The following DIS3L2 variants were observed in gnomAD, a reference collection of about 807,000 sequenced individuals.
The protein encoded by DIS3L2 is DIS3 like 3'-5' exoribonuclease 2.
Under a neutral mutation model 97.5 loss-of-function variants are expected in DIS3L2, and 34 were observed. The observed-to-expected ratio is 0.35, with a 90% CI of 0.27 to 0.46. The LOEUF is 0.46. Among genes scored for constraint, DIS3L2 ranks in the 20% least tolerant of loss-of-function variants. DIS3L2 has a pLI of 1.00. For synonymous variants in DIS3L2, 435 were observed against 445.2 expected (o/e 0.98, Z 0.29); for missense variants, 1,038 against 1,146.0 (o/e 0.91, Z 1.36).
At chr2:232,106,281 A>G (rs1450443278) in intron 6 of DIS3L2, among the ~76,000 whole-genome samples, 4 of 152,182 alleles carry the variant, frequency 2.6e-5, no homozygotes, top group Admixed American at 2.6e-4. Context: ...TCTACCCCTA[A>G]TGGCTCTTAG....
chr2:232,249,356 T>C lies in DIS3L2; in HGVS notation c.1425+10T>C, dbSNP rs1272928711. ...GACTCCAGAGGGCAAGGTAACAACT[T>C]ACACGTTTTCTTTCTCCACTTACCT... On this transcript the variant is annotated intron_variant, in intron 12 of 20. Transcript: ENST00000325385. The C allele has an allele frequency of 6.2e-7, 1 of 1,613,416 alleles. No individual in the cohort carries two copies. Among genetic ancestry groups the C allele is most frequent in the Admixed American group, 1.7e-5 (1 of 59,980 alleles).
intron 10 of DIS3L2, among the ~76,000 whole-genome samples, chr2:232,235,270 A>G (rs1692902750): frequency 6.6e-6 from 1 of 152,246 alleles, no homozygotes; most frequent in Admixed American, 6.5e-5. Flanking sequence ...GAAAGCCAGT[A>G]TCTTTTAAAA....
chr2:232,025,547 C>A (rs1694633147), intron 4 of DIS3L2, among the ~76,000 whole-genome samples: 1 of 152,132 alleles, frequency 6.6e-6, no homozygotes, highest in Non-Finnish European at 1.5e-5. Flanking sequence ...CAGTCATATT[C>A]TGTTCCTGTT....
chr2:232,127,718 C>A (rs1322382413), intron 6 of DIS3L2, among the ~76,000 whole-genome samples: 1 of 152,188 alleles, frequency 6.6e-6, no homozygotes, highest in Non-Finnish European at 1.5e-5. Flanking sequence ...TTCTTGCTCA[C>A]TGTGCTCCAG....
intron 8 of DIS3L2, among the ~76,000 whole-genome samples, chr2:232,161,092 A>G (rs1690636120): frequency 6.6e-6 from 1 of 151,870 alleles, no homozygotes; most frequent in African/African-American, 2.4e-5. Flanking sequence ...TAATTTTTGT[A>G]TTTTTAGTGG....
chr2:232,046,986 A>C (rs921768179), intron 5 of DIS3L2, among the ~76,000 whole-genome samples: 2 of 152,068 alleles, frequency 1.3e-5, no homozygotes, highest in Non-Finnish European at 2.9e-5. Context: ...TCAGACAATC[A>C]TGTCATTTCT....
intron 10 of DIS3L2, among the ~76,000 whole-genome samples, chr2:232,232,138 C>T (rs1469991033): frequency 5.3e-5 from 8 of 152,074 alleles, no homozygotes; most frequent in Non-Finnish European, 2.9e-5. Context: ...AGCAGACCCA[C>T]ATGATGAGCA....
intron 9 of DIS3L2, among the ~76,000 whole-genome samples, chr2:232,171,137 A>T (rs1234763283): frequency 6.6e-6 from 1 of 152,224 alleles, no homozygotes; most frequent in Non-Finnish European, 1.5e-5. Flanking sequence ...GGGGAAGTGG[A>T]GAGCCGTGAG....
At chr2:232,173,228 C>T (rs1325000831) in intron 9 of DIS3L2, among the ~76,000 whole-genome samples, 1 of 152,060 alleles carries the variant, frequency 6.6e-6, no homozygotes, top group African/African-American at 2.4e-5. Flanking sequence ...AAGAGTTAGA[C>T]ATATGTTTTC....
Position 232,333,204 on chromosome 2 carries a change from C to CTGT in DIS3L2, c.2011-636_2011-635insTGT, listed in dbSNP as rs1486270202. ...TCCTCCTCCTCCTCCTCCTCCTCCTCCTCCTCCTCCTCCTCCGCTGTCGCC... is the reference window on the plus strand; with the variant it reads ...TCCTCCTCCTCCTCCTCCTCCTCCTCTGTCTCCTCCTCCTCCTCCGCTGTCGCC... On this transcript the variant is annotated intron_variant, in intron 16 of 20. Transcript: ENST00000325385. 1.8e-4 allele frequency among the ~76,000 whole-genome samples: 16 copies of CTGT among 89,726 alleles called. 1 individual carries two copies. Among genetic ancestry groups the CTGT allele is most frequent in the African/African-American group, 1.0e-3 (15 of 14,790 alleles). 58.9% of individuals were successfully genotyped at this position (89,726 alleles called of 152,430 possible).
chr2:232,065,436 A>G (rs551206375), intron 5 of DIS3L2, among the ~76,000 whole-genome samples: 1 of 152,100 alleles, frequency 6.6e-6, no homozygotes, highest in East Asian at 1.9e-4. Flanking sequence ...TCCTGTGGAT[A>G]TCTACTTATT....
intron 7 of DIS3L2, among the ~76,000 whole-genome samples, chr2:232,133,080 GTGGGCC>G (rs1698263982): frequency 6.6e-6 from 1 of 152,140 alleles, no homozygotes. Context: ...CTTTATCCTT[GTGGGCC>G]AGAGACTTCC....
intron 14 of DIS3L2, among the ~76,000 whole-genome samples, chr2:232,315,880 A>G (rs1695258605): frequency 6.6e-6 from 1 of 152,060 alleles, no homozygotes; most frequent in Admixed American, 6.5e-5. Context: ...AGATCATTCC[A>G]CTGACTTTGG....
chr2:232,210,316 T>A lies in DIS3L2; in HGVS notation c.1125-10T>A. The A allele has an allele frequency of 6.2e-7, 1 of 1,611,698 alleles. No individual in the cohort carries two copies. Among genetic ancestry groups the A allele is most frequent in the South Asian group, 1.1e-5 (1 of 91,014 alleles). On this transcript the variant is annotated splice_polypyrimidine_tract_variant and intron_variant, in intron 9 of 20. Transcript: ENST00000325385. ...GTGGCATTGCTAATTGTTTCTTCACTCTTTCCTAGAAAAGACTGTATCTTC... is the reference window on the plus strand; with the variant it reads ...GTGGCATTGCTAATTGTTTCTTCACACTTTCCTAGAAAAGACTGTATCTTC...
rs561898865 is a variant in DIS3L2, at chr2:232,285,711, T to TTAACCTCCCTGAGCCTCAGTTCCC, written c.1660-14327_1660-14304dup. On this transcript the variant is annotated intron_variant, in intron 13 of 20. Coordinates refer to ENST00000325385, the MANE Select transcript of DIS3L2 (RefSeq NM_152383.5). ...GCCAGACCTTGGGCAGGTCAGTTAC[T>TTAACCTCCCTGAGCCTCAGTTCCC]TAACCTCCCTGAGCCTCAGTTCCCT... Among the ~76,000 whole-genome samples, 1,283 of 152,260 alleles carry TTAACCTCCCTGAGCCTCAGTTCCC rather than the reference T, an allele frequency of 8.4e-3. 17 individuals carry two copies. Among genetic ancestry groups the TTAACCTCCCTGAGCCTCAGTTCCC allele is most frequent in the African/African-American group, 0.03 (1,238 of 41,516 alleles).
chr2:232,211,647 C>T (rs115397453), intron 10 of DIS3L2, among the ~76,000 whole-genome samples: 2,104 of 152,282 alleles, frequency 0.014, 50 homozygotes, highest in African/African-American at 0.043. Flanking sequence ...CGTTGATGGC[C>T]TAGTGGCCTA....
chr2:232,192,794 T>G (rs367552040), intron 9 of DIS3L2, among the ~76,000 whole-genome samples: 2 of 152,176 alleles, frequency 1.3e-5, no homozygotes, highest in East Asian at 3.9e-4. Context: ...ACTTTTTTGG[T>G]CCCAAGTAAC....
At chr2:232,079,598 T>G in intron 5 of DIS3L2, among the ~76,000 whole-genome samples, 1 of 34,740 alleles carries the variant, frequency 2.9e-5, no homozygotes, top group African/African-American at 1.6e-4. Context: ...AGACTCTATC[T>G]CAAAAAAAAA....
chr2:232,083,485 GTCT>G (rs1191870649), intron 5 of DIS3L2, among the ~76,000 whole-genome samples: 31 of 149,850 alleles, frequency 2.1e-4, no homozygotes, highest in Admixed American at 8.7e-4. Flanking sequence ...TTTGCATAAT[GTCT>G]TCTTCTTCTT....
Sources: allele counts gnomAD v4.1 joint callset (sites outside exome capture counted in the v4.1 genomes callset), GRCh38; gene constraint gnomAD v4.1.1; transcripts MANE v1.5; gene names NCBI Gene and HGNC (gene_info 2026-07-23, HGNC 2026-07-21).